POLN: variants seen among roughly 807,000 people sequenced by gnomAD.
The protein encoded by POLN is DNA polymerase N.
A neutral mutation model predicts 113.5 loss-of-function variants in POLN; 108 were observed. That is an observed-to-expected ratio of 0.95 (90% CI 0.81 to 1.12). The LOEUF (loss-of-function observed/expected upper bound fraction) is 1.12. Among genes scored for constraint, POLN ranks in the 50% most tolerant of loss-of-function variants. The pLI, the probability that POLN is intolerant of heterozygous loss-of-function variation, is 0.00. For synonymous variants in POLN, 386 were observed against 391.5 expected (o/e 0.99, Z 0.17); for missense variants, 1,097 against 1,077.1 (o/e 1.02, Z -0.26).
chr4:2,080,147 G>A (rs1394042009), intron 23 of POLN: 15 of 985,530 alleles, frequency 1.5e-5, no homozygotes, highest in Middle Eastern at 5.2e-4. Flanking sequence ...AAGGGGCTCC[G>A]GGACTCCTGA....
At chr4:2,089,745 T>C (rs1319859135) in intron 20 of POLN, 1 of 696,224 alleles carries the variant, frequency 1.4e-6, no homozygotes, top group African/African-American at 1.8e-5. Flanking sequence ...TTGTGCTCTT[T>C]ATCATTATGG....
chr4:2,222,103 T>G (rs1734272328), intron 3 of POLN, among the ~76,000 whole-genome samples: 1 of 152,190 alleles, frequency 6.6e-6, no homozygotes, highest in Non-Finnish European at 1.5e-5. Flanking sequence ...GCCTGTTATT[T>G]TGCATTCACA....
chr4:2,159,962 A>G (rs1732538796), intron 13 of POLN, among the ~76,000 whole-genome samples: 1 of 152,214 alleles, frequency 6.6e-6, no homozygotes, highest in African/African-American at 2.4e-5. Flanking sequence ...TTGTTAATGT[A>G]TGTTCACAGT....
rs746700537 is a variant in POLN, at chr4:2,072,238, T to C, written c.2579A>G (p.Glu860Gly). The change falls in exon 26 of 26, where the codon GAG becomes GGG. Residue 860 changes from glutamate (E) to glycine (G), a missense_variant. By Grantham distance (98) the Glu-to-Gly change is moderately conservative. Transcript: ENST00000511885. ...TGGGCCTGGCGGAGGGCCCCAGGCC[T>C]CCTGCAGTGGCACCAGGTGTCCCCA... ...RSWGHLVPLQEAWGPPPGPCR... is the reference protein window; with the variant it reads ...RSWGHLVPLQGAWGPPPGPCR... 22 of 1,601,128 alleles carry C rather than the reference T, an allele frequency of 1.4e-5. No homozygotes were observed. The highest frequency in any genetic ancestry group is 1.7e-5 in the Non-Finnish European group (20 of 1,173,226).
chr4:2,099,873 G>C (rs1484466651), intron 19 of POLN, among the ~76,000 whole-genome samples: 1 of 152,004 alleles, frequency 6.6e-6, no homozygotes, highest in African/African-American at 2.4e-5. Flanking sequence ...TTCAAGACCA[G>C]CCTGGGCAAC....
intron 3 of POLN, chr4:2,227,576 A>T (rs1271806955): frequency 1.3e-5 from 2 of 152,242 alleles, no homozygotes; most frequent in Non-Finnish European, 2.9e-5. Flanking sequence ...AAGTAGTATC[A>T]TATCTTTTTC....
intron 19 of POLN, among the ~76,000 whole-genome samples, chr4:2,112,641 A>G (rs1731223191): frequency 6.6e-6 from 1 of 152,248 alleles, no homozygotes; most frequent in Admixed American, 6.5e-5. Flanking sequence ...AAAAATGCTC[A>G]TCATCACTGG....
At chr4:2,173,368 G>A (rs1210697544) in intron 11 of POLN, among the ~76,000 whole-genome samples, 1 of 152,086 alleles carries the variant, frequency 6.6e-6, no homozygotes, top group African/African-American at 2.4e-5. Context: ...GGTCACGTCA[G>A]GGTATTCAGA....
chr4:2,146,315 G>A (rs2108734094), intron 16 of POLN, among the ~76,000 whole-genome samples: 1 of 150,400 alleles, frequency 6.6e-6, no homozygotes, highest in Admixed American at 6.7e-5. Context: ...AGACCAGCCT[G>A]GCTAACATGA....
chr4:2,166,977 T>C (rs1311766774), intron 13 of POLN, among the ~76,000 whole-genome samples: 1 of 152,194 alleles, frequency 6.6e-6, no homozygotes, highest in Non-Finnish European at 1.5e-5. Flanking sequence ...ACCGGTTCTA[T>C]TTCTCTAGAG....
intron 16 of POLN, among the ~76,000 whole-genome samples, chr4:2,155,325 T>C (rs951046601): frequency 3.3e-5 from 5 of 152,176 alleles, no homozygotes; most frequent in African/African-American, 1.2e-4. Context: ...CTTCGCTAGA[T>C]AAAGACCCCA....
intron 20 of POLN, among the ~76,000 whole-genome samples, chr4:2,091,071 G>A (rs1165705957): frequency 1.3e-5 from 2 of 152,190 alleles, no homozygotes; most frequent in Non-Finnish European, 2.9e-5. Context: ...AAATTCACCA[G>A]TGCCATTCCT....
intron 16 of POLN, among the ~76,000 whole-genome samples, chr4:2,153,243 T>G (rs1279518615): frequency 1.3e-5 from 2 of 152,222 alleles, no homozygotes; most frequent in Non-Finnish European, 2.9e-5. Flanking sequence ...TATGTGTATA[T>G]GTACAGATAT....
chr4:2,103,883 A>T (rs919993271), intron 19 of POLN, among the ~76,000 whole-genome samples: 4 of 152,242 alleles, frequency 2.6e-5, no homozygotes, highest in Non-Finnish European at 5.9e-5. Context: ...AACCTTCATA[A>T]ATGAAGGAGA....
chr4:2,148,295 G>A (rs1732199127), intron 16 of POLN, among the ~76,000 whole-genome samples: 1 of 152,282 alleles, frequency 6.6e-6, no homozygotes, highest in East Asian at 1.9e-4. Flanking sequence ...AATTCAGTGA[G>A]CTATGGGACA....
chr4:2,192,284 T>C (rs1733470485), intron 7 of POLN, among the ~76,000 whole-genome samples: 1 of 152,004 alleles, frequency 6.6e-6, no homozygotes, highest in African/African-American at 2.4e-5. Context: ...TGAACACACA[T>C]GTCCACCACC....
At chr4:2,121,408 C>T (rs1731436570) in intron 19 of POLN, among the ~76,000 whole-genome samples, 3 of 147,554 alleles carry the variant, frequency 2.0e-5, no homozygotes, top group African/African-American at 2.5e-5. Context: ...ACACTCCAGC[C>T]TGGGTGACAG....
chr4:2,080,642 T>A, intron 23 of POLN: 1 of 1,269,098 alleles, frequency 7.9e-7, no homozygotes, highest in Non-Finnish European at 1.0e-6. Context: ...GGCTGAGGGG[T>A]TCGCCTGCCT....
chr4:2,078,874 C>T, intron 23 of POLN: 1 of 985,470 alleles, frequency 1.0e-6, no homozygotes, highest in Non-Finnish European at 1.2e-6. Flanking sequence ...CAGAGAGAGA[C>T]CTCAGCTCCT....
Sources: gnomAD v4.1 joint callset for allele counts (sites outside exome capture counted in the v4.1 genomes callset) on GRCh38, gnomAD v4.1.1 for gene constraint, MANE v1.5 for transcripts, NCBI Gene and HGNC (gene_info 2026-07-23, HGNC 2026-07-21) for gene names.